The following SLC8A2 variants were observed in gnomAD, a reference collection of about 807,000 sequenced individuals.
SLC8A2 encodes the protein sodium/calcium exchanger 2.
A neutral mutation model predicts 70.2 loss-of-function variants in SLC8A2; 14 were observed. The ratio of observed to expected loss-of-function variants is 0.20; its 90% CI spans 0.13 to 0.31. SLC8A2 has a LOEUF of 0.31. SLC8A2 is among the 10% of genes least tolerant of loss of function. The pLI, the probability that SLC8A2 is intolerant of heterozygous loss-of-function variation, is 1.00. For synonymous variants in SLC8A2, 575 were observed against 594.3 expected (o/e 0.97, Z 0.47); for missense variants, 779 against 1,320.1 (o/e 0.59, Z 6.35).
At chr19:47,471,760 C>G (rs1967544059) in intron 1 of SLC8A2, 29 bp downstream of exon 1, 1 of 152,142 alleles carries the variant, frequency 6.6e-6, no homozygotes, top group Non-Finnish European at 1.5e-5. Context: ...TTCCCACGCC[C>G]CCACCTCCCC....
intron 3 of SLC8A2, among the ~76,000 whole-genome samples, chr19:47,450,448 G>A (rs990386706): frequency 3.3e-5 from 5 of 152,110 alleles, no homozygotes; most frequent in African/African-American, 1.2e-4. Flanking sequence ...GTTTGAACTG[G>A]GGAGGTGGAG....
At chr19:47,452,379 T>TTA (rs1376923366) in intron 3 of SLC8A2, among the ~76,000 whole-genome samples, 62 of 133,170 alleles carry the variant, frequency 4.7e-4, no homozygotes, top group African/African-American at 9.3e-4. Context: ...CATGCCCAGC[T>TTA]TATATATATA....
At position 47,430,248 on chromosome 19, in the gene SLC8A2, G is replaced by T; in HGVS notation, c.2607C>A (p.Gly869=). ...VTLFTVFAFV[G]IAVLLYRRRP... ...GGCGCCGGTACAGCAGCACGGCAAT[G>T]CCCACGAAGGCGAAGACGGTGAAGA... Residue 869 remains glycine (G), a synonymous_variant, in exon 10 of 10, where the codon GGC becomes GGA. Transcript: ENST00000236877. This position sits in a 1 kb window ranked among gnomAD's most constrained non-coding sequence, Gnocchi z 5.9. The T allele has an allele frequency of 6.2e-7, 1 of 1,611,868 alleles. No individual in the cohort carries two copies.
chr19:47,470,716 A>G (rs928792270), intron 1 of SLC8A2, among the ~76,000 whole-genome samples: 43 of 152,230 alleles, frequency 2.8e-4, no homozygotes, highest in Non-Finnish European at 7.3e-5. Context: ...GTCCAGTTAC[A>G]CGAGGAAGAC....
chr19:47,430,471 A>G lies in SLC8A2; in HGVS notation c.2390-6T>C, dbSNP rs8104926. ...CACCTTGCTGGCGAACGTGTCTGCG[A>G]GGCAGAGACATACAGGTCGGAGGGG... On this transcript the variant is annotated splice_region_variant and splice_polypyrimidine_tract_variant and intron_variant, in intron 9 of 9. Transcript: ENST00000236877. The surrounding 1 kb of genome is among the most constrained non-coding windows in gnomAD (Gnocchi z 5.9). 1,397,454 of 1,597,108 alleles carry G rather than the reference A, an allele frequency of 0.87. 625,195 individuals are homozygous for G. The highest frequency in any genetic ancestry group is 0.92 in the Non-Finnish European group (1,077,571 of 1,175,398).
intron 4 of SLC8A2, among the ~76,000 whole-genome samples, chr19:47,442,636 C>T (rs1484270583): frequency 6.6e-6 from 1 of 152,094 alleles, no homozygotes; most frequent in Non-Finnish European, 1.5e-5. Context: ...CCTCACTGCT[C>T]CCCCTCCAGC....
chr19:47,470,567 G>A (rs1967522787), intron 1 of SLC8A2, among the ~76,000 whole-genome samples: 2 of 152,204 alleles, frequency 1.3e-5, no homozygotes, highest in African/African-American at 4.8e-5. Context: ...GAGACTGCAG[G>A]AAGGACTGGC....
At chr19:47,454,754 AAGC>A (rs1341712205) in intron 3 of SLC8A2, among the ~76,000 whole-genome samples, 2 of 152,176 alleles carry the variant, frequency 1.3e-5, no homozygotes, top group Non-Finnish European at 2.9e-5. Flanking sequence ...TGGCTACAAA[AAGC>A]AGCCAGGCAC....
intron 9 of SLC8A2, 173 bp downstream of exon 9, chr19:47,431,994 T>A: frequency 1.8e-6 from 1 of 562,036 alleles, no homozygotes; most frequent in Non-Finnish European, 3.0e-6. Context: ...AATTCACATC[T>A]TGCACCTAGG....
chr19:47,431,754 C>T (rs192715849), intron 9 of SLC8A2, among the ~76,000 whole-genome samples: 2 of 151,232 alleles, frequency 1.3e-5, no homozygotes, highest in East Asian at 3.9e-4. Flanking sequence ...GTTCCATGGA[C>T]TCTTCTGTCT....
intron 4 of SLC8A2, among the ~76,000 whole-genome samples, chr19:47,443,239 A>C (rs1334452442): frequency 1.3e-5 from 2 of 152,190 alleles, no homozygotes; most frequent in Non-Finnish European, 2.9e-5. Context: ...TGGAGAGTTA[A>C]CCAAGTGCTG....
At chr19:47,455,794 C>T (rs546583419) in intron 3 of SLC8A2, among the ~76,000 whole-genome samples, 28 of 152,254 alleles carry the variant, frequency 1.8e-4, no homozygotes, top group African/African-American at 6.0e-4. Flanking sequence ...AGACATCTGG[C>T]ACACAGTAGG....
intron 2 of SLC8A2, among the ~76,000 whole-genome samples, chr19:47,461,189 A>C (rs1195382591): frequency 6.9e-6 from 1 of 144,944 alleles, no homozygotes; most frequent in Non-Finnish European, 1.5e-5. Flanking sequence ...ACTCTGTTTC[A>C]AAAAAAAAAG....
In SLC8A2 at chr19:47,458,105, A is replaced by C. The variant is rs146700221; in HGVS notation, c.676-511T>G. ...CTGACCTTGTGATCCTCCCACCTCG[A>C]GCTCCCAAAGTGCTGGGATTACAGG... is the stretch of plus-strand genomic sequence containing the variant. On this transcript the variant is annotated intron_variant, in intron 2 of 9. Transcript: ENST00000236877. Among the ~76,000 whole-genome samples, 231 of 151,678 alleles carry C rather than the reference A, an allele frequency of 1.5e-3. 2 individuals carry two copies. The highest frequency in any genetic ancestry group is 4.8e-3 in the African/African-American group (200 of 41,332).
At chr19:47,445,553 C>T (rs1282575294) in intron 4 of SLC8A2, among the ~76,000 whole-genome samples, 2 of 152,192 alleles carry the variant, frequency 1.3e-5, no homozygotes, top group African/African-American at 4.8e-5. Context: ...CACCCCATCT[C>T]TGGGTGTCTC....
intron 2 of SLC8A2, among the ~76,000 whole-genome samples, 160 bp from the exon 3 acceptor site, chr19:47,457,754 C>T (rs571955358): frequency 5.0e-5 from 7 of 141,084 alleles, no homozygotes; most frequent in Non-Finnish European, 7.7e-5. Flanking sequence ...TCTTTTCTTT[C>T]TTTCTTTCTT....
intron 3 of SLC8A2, among the ~76,000 whole-genome samples, chr19:47,453,412 A>G (rs1057018811): frequency 6.6e-6 from 1 of 152,210 alleles, no homozygotes; most frequent in Non-Finnish European, 1.5e-5. Context: ...TTGCCCAAGG[A>G]ACAGGGTCCA....
chr19:47,471,378 G>C (rs906246225), intron 1 of SLC8A2, among the ~76,000 whole-genome samples: 5 of 152,072 alleles, frequency 3.3e-5, no homozygotes, highest in African/African-American at 1.2e-4. Flanking sequence ...ACAGGAGTGA[G>C]AGACTGAGAG....
intron 4 of SLC8A2, among the ~76,000 whole-genome samples, chr19:47,442,516 G>C (rs1967111993): frequency 6.6e-6 from 1 of 152,074 alleles, no homozygotes; most frequent in African/African-American, 2.4e-5. Flanking sequence ...TGCACTGGCT[G>C]TTCCCTCTGC....
Sources: gnomAD v4.1 joint callset for allele counts (sites outside exome capture counted in the v4.1 genomes callset) on GRCh38, gnomAD v4.1.1 for gene constraint, Gnocchi (gnomAD v3.1) non-coding constraint, MANE v1.5 for transcripts, NCBI Gene and HGNC (gene_info 2026-07-23, HGNC 2026-07-21) for gene names.